NREP: variants seen among roughly 807,000 people sequenced by gnomAD.
NREP encodes neuronal regeneration related protein.
A neutral mutation model predicts 8.6 loss-of-function variants in NREP; 5 were observed. The observed-to-expected ratio is 0.58, with a 90% CI of 0.30 to 1.22. NREP has a LOEUF of 1.22. Among genes scored for constraint, NREP ranks in the 50% most tolerant of loss-of-function variants. The probability of loss-of-function intolerance (pLI) is 0.07; values close to 1 mark genes in which losing one functional copy is unlikely to be tolerated. For missense variants in NREP, 86 were observed against 82.5 expected (o/e 1.04, Z -0.17); for synonymous variants, 27 against 28.0 (o/e 0.96, Z 0.11).
intron 2 of NREP, among the ~76,000 whole-genome samples, chr5:111,912,349 C>G (rs1400827236): frequency 1.3e-5 from 2 of 151,950 alleles, no homozygotes; most frequent in Non-Finnish European, 2.9e-5. Flanking sequence ...CTTCTTGACC[C>G]TCCTCACTTC....
chr5:111,878,481 A>T (rs568841922), intron 2 of NREP, among the ~76,000 whole-genome samples: 3 of 152,328 alleles, frequency 2.0e-5, no homozygotes, highest in South Asian at 4.1e-4. Flanking sequence ...GGGACACTGC[A>T]TCCATGATTC....
intron 2 of NREP, among the ~76,000 whole-genome samples, chr5:111,903,612 T>C (rs937706713): frequency 4.6e-5 from 7 of 152,132 alleles, no homozygotes; most frequent in South Asian, 2.1e-4. Flanking sequence ...ATTTTCATCA[T>C]TTATCTCAGA....
At chr5:111,868,262 C>A (rs1469668986) in intron 2 of NREP, among the ~76,000 whole-genome samples, 3 of 152,146 alleles carry the variant, frequency 2.0e-5, no homozygotes, top group Non-Finnish European at 4.4e-5. Context: ...TTATAGCTAG[C>A]ATGCTCTCAT....
At chr5:111,761,317 C>T (rs1750955397), upstream of NREP, among the ~76,000 whole-genome samples, 1 of 152,200 alleles carries the variant, frequency 6.6e-6, no homozygotes, top group Non-Finnish European at 1.5e-5. Context: ...AATGAGGGCA[C>T]TTTTGCAGTG....
intron 2 of NREP, among the ~76,000 whole-genome samples, chr5:111,866,632 A>T (rs1342267965): frequency 6.6e-6 from 1 of 152,200 alleles, no homozygotes; most frequent in African/African-American, 2.4e-5. Flanking sequence ...TGACCCAGCC[A>T]TCCCATTACT....
intron 2 of NREP, among the ~76,000 whole-genome samples, chr5:111,923,950 G>C (rs1451499896): frequency 6.6e-6 from 1 of 152,146 alleles, no homozygotes; most frequent in East Asian, 1.9e-4. Context: ...GGCTGCCTGA[G>C]TTTCCTTTAT....
chr5:111,768,508 G>A (rs1751138556), intron 2 of NREP, among the ~76,000 whole-genome samples: 2 of 152,048 alleles, frequency 1.3e-5, no homozygotes, highest in South Asian at 2.1e-4. Context: ...TTCAACCCTT[G>A]CTCTCCTCTC....
intron 2 of NREP, among the ~76,000 whole-genome samples, chr5:111,867,828 G>T (rs1453860090): frequency 6.6e-6 from 1 of 151,498 alleles, no homozygotes; most frequent in African/African-American, 2.4e-5. Context: ...GAAAATTGAG[G>T]TAAAATTTAT....
chr5:111,776,905 T>C (rs1751374186), intron 2 of NREP, among the ~76,000 whole-genome samples: 1 of 152,096 alleles, frequency 6.6e-6, no homozygotes, highest in South Asian at 2.1e-4. Flanking sequence ...CCTTATGATA[T>C]ACTTAAGATT....
At chr5:111,862,161 T>A (rs548259370) in intron 2 of NREP, among the ~76,000 whole-genome samples, 1 of 152,306 alleles carries the variant, frequency 6.6e-6, no homozygotes, top group Non-Finnish European at 1.5e-5. Flanking sequence ...TGGCAAGATG[T>A]CTACAATTTT....
At chr5:111,879,405 G>C (rs1415607899) in intron 2 of NREP, among the ~76,000 whole-genome samples, 2 of 152,162 alleles carry the variant, frequency 1.3e-5, no homozygotes, top group East Asian at 3.8e-4. Flanking sequence ...GGAGAAAATA[G>C]TTTAACAAAA....
Position 111,893,541 on chromosome 5 carries a change from A to T in NREP, c.135+81733T>A, listed in dbSNP as rs191061043. On this transcript the variant is annotated intron_variant, in intron 2 of 3. Transcript: ENST00000395634. ...ACTATTTACAGTAAGAAAACTATAC[A>T]CTCAGCTTAAAATATAAAAATAGAA... Among the ~76,000 whole-genome samples, 282 of 151,854 alleles carry T rather than the reference A, an allele frequency of 1.9e-3. 2 individuals are homozygous for T. Among genetic ancestry groups the T allele is most frequent in the Admixed American group, 3.8e-3 (58 of 15,266 alleles).
In NREP at chr5:111,872,096, G is replaced by C. The variant is rs145538603; in HGVS notation, c.135+103178C>G. Among the ~76,000 whole-genome samples the C allele has an allele frequency of 9.5e-3, 1,448 of 151,712 alleles. 12 individuals carry two copies. Among genetic ancestry groups the C allele is most frequent in the Admixed American group, 0.012 (184 of 15,204 alleles). On this transcript the variant is annotated intron_variant, in intron 2 of 3. Coordinates refer to the NREP transcript ENST00000395634. ...CACACACATATATTTGAGACAGAGAGAGATTTATTATAAATTTGCTCAGGT... is the reference window on the plus strand; with the variant it reads ...CACACACATATATTTGAGACAGAGACAGATTTATTATAAATTTGCTCAGGT...
intron 2 of NREP, among the ~76,000 whole-genome samples, chr5:111,766,599 C>G (rs970893149): frequency 1.1e-4 from 17 of 152,114 alleles, no homozygotes; most frequent in African/African-American, 4.1e-4. Flanking sequence ...GATGGATATC[C>G]AAAAATCTCT....
At chr5:111,765,832 C>T (rs1672599572) in intron 2 of NREP, among the ~76,000 whole-genome samples, 1 of 152,204 alleles carries the variant, frequency 6.6e-6, no homozygotes. Flanking sequence ...ATTTTACTAT[C>T]CCATAAATTC....
intron 2 of NREP, among the ~76,000 whole-genome samples, chr5:111,800,805 A>G (rs1019913819): frequency 1.8e-4 from 28 of 152,360 alleles, no homozygotes; most frequent in African/African-American, 6.0e-4. Flanking sequence ...GCAAAAACAG[A>G]AATCTCATTT....
At chr5:111,755,707 G>A in intron 2 of NREP, 63 bp downstream of exon 2, 1 of 1,561,684 alleles carries the variant, frequency 6.4e-7, no homozygotes, top group Non-Finnish European at 8.8e-7. Context: ...ATGGGTGGTT[G>A]ATATTTATAT....
intron 2 of NREP, among the ~76,000 whole-genome samples, chr5:111,736,293 T>C (rs1217900106): frequency 2.6e-5 from 4 of 152,022 alleles, no homozygotes; most frequent in Non-Finnish European, 4.4e-5. Context: ...CTAAAAGAAA[T>C]TAGAGAAAAA....
intron 2 of NREP, among the ~76,000 whole-genome samples, chr5:111,774,283 G>A (rs1253946408): frequency 1.3e-5 from 2 of 151,816 alleles, no homozygotes; most frequent in Non-Finnish European, 1.5e-5. Context: ...GAGAGAAGAA[G>A]GGAGAGAAGA....
Sources: allele counts gnomAD v4.1 joint callset (sites outside exome capture counted in the v4.1 genomes callset), GRCh38; gene constraint gnomAD v4.1.1; transcripts MANE v1.5; gene names NCBI Gene and HGNC (gene_info 2026-07-23, HGNC 2026-07-21).